The following PPARGC1A variants were observed in gnomAD, a reference collection of about 807,000 sequenced individuals.
PPARGC1A encodes peroxisome proliferator-activated receptor gamma coactivator 1-alpha.
A neutral mutation model predicts 88.7 loss-of-function variants in PPARGC1A; 25 were observed. That is an observed-to-expected ratio of 0.28 (90% CI 0.21 to 0.39). The LOEUF (loss-of-function observed/expected upper bound fraction) is 0.39, where lower values mean the gene tolerates loss of function less well. Among genes scored for constraint, PPARGC1A ranks in the 10% least tolerant of loss-of-function variants. PPARGC1A has a pLI of 1.00. For synonymous variants in PPARGC1A, 363 were observed against 355.6 expected (o/e 1.02, Z -0.24); for missense variants, 880 against 968.7 (o/e 0.91, Z 1.22).
chr4:24,169,183 C>G, the PPARGC1A span, among the ~76,000 whole-genome samples: 132 of 152,236 alleles, frequency 8.7e-4, no homozygotes, highest in African/African-American at 3.0e-3. Context: ...AAAAACAAGA[C>G]TAATCCCAGG....
At chr4:24,328,717 C>G in the PPARGC1A span, among the ~76,000 whole-genome samples, 2 of 152,224 alleles carry the variant, frequency 1.3e-5, no homozygotes, top group South Asian at 4.2e-4. Flanking sequence ...TCCACCCCAC[C>G]CCATCCCAAT....
the PPARGC1A span, among the ~76,000 whole-genome samples, chr4:24,229,152 C>CTTTTT: frequency 5.7e-4 from 35 of 60,914 alleles, 5 homozygotes; most frequent in South Asian, 1.8e-3. Flanking sequence ...GTATCTGGAC[C>CTTTTT]TTTTTTTTTT....
At chr4:23,885,254 C>G (rs1183379325) in intron 1 of PPARGC1A, among the ~76,000 whole-genome samples, 3 of 152,152 alleles carry the variant, frequency 2.0e-5, no homozygotes, top group Non-Finnish European at 2.9e-5. Flanking sequence ...TCCTTGATAC[C>G]TGTTTGATAG....
Position 23,895,936 on chromosome 4 carries a change from A to ATGTGTGTG in PPARGC1A, n.52+3323_52+3330dup, listed in dbSNP as rs550243415. 4.6e-5 allele frequency among the ~76,000 whole-genome samples: 6 copies of ATGTGTGTG among 130,638 alleles called. No homozygotes were observed. In the East Asian group the frequency reaches 1.1e-3, roughly 25 times the overall value. 85.7% of individuals were successfully genotyped at this position (130,638 alleles called of 152,430 possible). A position where few individuals can be genotyped will look rare whatever the true frequency, so the allele number is the denominator to read the frequency against. On this transcript the variant is annotated intron_variant and non_coding_transcript_variant, in intron 1 of 3. Coordinates refer to the PPARGC1A transcript ENST00000507342. ...TGACCTGGTTCAATAAATTATAGAG[A>ATGTGTGTG]TGTGTGTGTGTGTGTGTGTGTGTGT...
the PPARGC1A span, among the ~76,000 whole-genome samples, chr4:24,224,423 G>A: frequency 6.6e-6 from 1 of 152,168 alleles, no homozygotes; most frequent in Non-Finnish European, 1.5e-5. Flanking sequence ...CATCCTCAAG[G>A]ACACATCATA....
the PPARGC1A span, among the ~76,000 whole-genome samples, chr4:24,077,501 G>A: frequency 6.6e-6 from 1 of 151,792 alleles, no homozygotes; most frequent in East Asian, 1.9e-4. Flanking sequence ...CTAGCTCCAA[G>A]TAGTGTTTTT....
the PPARGC1A span, among the ~76,000 whole-genome samples, chr4:24,252,160 T>C: frequency 6.6e-6 from 1 of 152,336 alleles, no homozygotes; most frequent in South Asian, 2.1e-4. Flanking sequence ...TTTACACCTC[T>C]GGTCATCTTT....
chr4:24,370,443 C>CA, the PPARGC1A span, among the ~76,000 whole-genome samples: 12 of 151,888 alleles, frequency 7.9e-5, no homozygotes, highest in African/African-American at 2.4e-4. Flanking sequence ...ACAAATAACA[C>CA]AAAAAAAGAG....
the PPARGC1A span, among the ~76,000 whole-genome samples, chr4:24,210,633 G>A: frequency 2.6e-5 from 4 of 152,354 alleles, no homozygotes; most frequent in African/African-American, 9.6e-5. Context: ...CCTGGACTGT[G>A]CTGACGTCAA....
At chr4:24,365,875 G>A in the PPARGC1A span, among the ~76,000 whole-genome samples, 3 of 152,124 alleles carry the variant, frequency 2.0e-5, no homozygotes, top group East Asian at 1.9e-4. Context: ...GCTATAGGCA[G>A]ATGATTGACA....
chr4:24,051,206 A>C, the PPARGC1A span, among the ~76,000 whole-genome samples: 1 of 150,874 alleles, frequency 6.6e-6, no homozygotes, highest in African/African-American at 2.4e-5. Context: ...AAAAAAAAAA[A>C]AAAAAACCAA....
chr4:24,111,697 G>A, the PPARGC1A span, among the ~76,000 whole-genome samples: 2 of 152,166 alleles, frequency 1.3e-5, no homozygotes, highest in African/African-American at 4.8e-5. Context: ...AAATTGCACT[G>A]CCCTAAAGAA....
the PPARGC1A span, among the ~76,000 whole-genome samples, chr4:24,248,501 G>A: frequency 6.6e-6 from 1 of 152,036 alleles, no homozygotes; most frequent in South Asian, 2.1e-4. Flanking sequence ...AAAAAAAAGT[G>A]TATTATCAGC....
At chr4:23,878,620 G>T (rs115334330) in intron 2 of PPARGC1A, among the ~76,000 whole-genome samples, 6 of 152,184 alleles carry the variant, frequency 3.9e-5, no homozygotes, top group African/African-American at 1.4e-4. Context: ...TTATCAAGCC[G>T]AGAAGTCTAA....
At chr4:24,064,108 G>C in the PPARGC1A span, among the ~76,000 whole-genome samples, 2 of 152,140 alleles carry the variant, frequency 1.3e-5, no homozygotes, top group Non-Finnish European at 2.9e-5. Flanking sequence ...AGGGCCCCAG[G>C]CTCTGAAGAG....
At chr4:24,174,694 C>T in the PPARGC1A span, among the ~76,000 whole-genome samples, 1 of 152,200 alleles carries the variant, frequency 6.6e-6, no homozygotes, top group Admixed American at 6.5e-5. Flanking sequence ...CAACCCAAGT[C>T]TTATGACTGC....
the PPARGC1A span, among the ~76,000 whole-genome samples, chr4:24,395,700 G>A: frequency 6.6e-6 from 1 of 152,154 alleles, no homozygotes; most frequent in Non-Finnish European, 1.5e-5. Context: ...CACGATCTGA[G>A]CCTCACACCA....
chr4:23,910,945 C>T, the PPARGC1A span, among the ~76,000 whole-genome samples: 2 of 152,032 alleles, frequency 1.3e-5, no homozygotes, highest in African/African-American at 4.8e-5. Flanking sequence ...CTCCCCTCCC[C>T]TCAACCCCCA....
At chr4:24,356,423 A>T in the PPARGC1A span, among the ~76,000 whole-genome samples, 2 of 152,214 alleles carry the variant, frequency 1.3e-5, no homozygotes, top group Non-Finnish European at 2.9e-5. Context: ...GTTCACGGAC[A>T]TTAACCTGAG....
Sources: allele counts gnomAD v4.1 joint callset (sites outside exome capture counted in the v4.1 genomes callset), GRCh38; gene constraint gnomAD v4.1.1; transcripts MANE v1.5; gene names NCBI Gene and HGNC (gene_info 2026-07-23, HGNC 2026-07-21).